GPR143: variants seen among roughly 807,000 people sequenced by gnomAD.
The protein encoded by GPR143 is G-protein coupled receptor 143.
GPR143 carries 8 observed loss-of-function variants against 27.6 expected under a neutral mutation model. That is an observed-to-expected ratio of 0.29 (90% CI 0.17 to 0.52). The LOEUF (loss-of-function observed/expected upper bound fraction) is 0.52. Among genes scored for constraint, GPR143 ranks in the 20% least tolerant of loss-of-function variants. GPR143 has a pLI of 0.96. For missense variants in GPR143, 303 were observed against 343.1 expected (o/e 0.88, Z 0.92); for synonymous variants, 156 against 153.2 (o/e 1.02, Z -0.13).
intron 8 of GPR143, among the ~76,000 whole-genome samples, chrX:9,728,726 T>A (rs1054462368): frequency 1.0e-5 from 1 of 98,571 alleles, no homozygotes; most frequent in Non-Finnish European, 2.0e-5. Flanking sequence ...GGTGGAAGGA[T>A]CTCTTAAGCC....
intron 1 of GPR143, among the ~76,000 whole-genome samples, chrX:9,776,202 G>A (rs929370528): frequency 1.5e-4 from 17 of 112,044 alleles, no homozygotes; most frequent in African/African-American, 5.2e-4. Context: ...TAGAACGCAC[G>A]TCAGGATCAG....
chrX:9,743,599 G>T lies in GPR143; in HGVS notation c.733C>A (p.Arg245=). The change falls in exon 6 of 9, where the codon CGA becomes AGA. Residue 245 remains arginine, a synonymous_variant. Coordinates refer to ENST00000467482, the MANE Select transcript of GPR143 (RefSeq NM_000273.3). ...AAAACCAGCATGATTTTGAAAAATCGGATCTTGATCACGGCTCCCATCCTC... is the reference window on the plus strand; with the variant it reads ...AAAACCAGCATGATTTTGAAAAATCTGATCTTGATCACGGCTCCCATCCTC... ...ERRMGAVIKI[R]FFKIMLVLII... is the part of the protein sequence containing the mutation. The T allele has an allele frequency of 8.4e-7, 1 of 1,186,322 alleles. No individual in the cohort carries two copies. Among genetic ancestry groups the T allele is most frequent in the African/African-American group, 1.7e-5 (1 of 57,327 alleles).
chrX:9,753,361 A>AAAAT (rs201414372), intron 3 of GPR143, among the ~76,000 whole-genome samples: 1 of 109,000 alleles, frequency 9.2e-6, no homozygotes, highest in Non-Finnish European at 1.9e-5. Context: ...CCGTCTCAAA[A>AAAAT]AAATAAATAA....
rs138170290 is a variant in GPR143, at chrX:9,731,638, T to C, written c.1121-5798A>G. Among the ~76,000 whole-genome samples the C allele has an allele frequency of 5.7e-3, 633 of 110,865 alleles. 6 individuals are homozygous for C. The highest frequency in any genetic ancestry group is 0.02 in the African/African-American group (615 of 30,582). On this transcript the variant is annotated intron_variant, in intron 8 of 8. Transcript: ENST00000467482. ...GAATTTTAGTGAGAATGAGGCACTATGGGACAGAAAGGGAATTTGGGGAGA... is the reference window on the plus strand; with the variant it reads ...GAATTTTAGTGAGAATGAGGCACTACGGGACAGAAAGGGAATTTGGGGAGA...
intron 5 of GPR143, among the ~76,000 whole-genome samples, chrX:9,744,099 G>A (rs953236044): frequency 9.8e-5 from 11 of 111,716 alleles, no homozygotes; most frequent in African/African-American, 3.6e-4. Flanking sequence ...GCACTTGGGA[G>A]GCCAAGGTGG....
intron 1 of GPR143, among the ~76,000 whole-genome samples, chrX:9,761,826 C>T (rs2732873): frequency 0.17 from 19,439 of 112,235 alleles, 1,192 homozygotes; most frequent in Middle Eastern, 0.23. Context: ...GGTCTGAGCG[C>T]GGTGCTCACG....
chrX:9,767,900 C>G (rs1249202437), upstream of GPR143, among the ~76,000 whole-genome samples: 1 of 112,087 alleles, frequency 8.9e-6, no homozygotes, highest in Non-Finnish European at 1.9e-5. Context: ...TGAAGAGTGT[C>G]TGTACATTTG....
upstream of GPR143, among the ~76,000 whole-genome samples, chrX:9,769,587 TTA>T (rs900265671): frequency 3.6e-5 from 4 of 111,365 alleles, no homozygotes; most frequent in African/African-American, 9.9e-5. Context: ...TAAGATTTGT[TTA>T]TTTATTTATT....
upstream of GPR143, among the ~76,000 whole-genome samples, chrX:9,766,490 C>A (rs1049383132): frequency 8.9e-5 from 10 of 112,040 alleles, no homozygotes; most frequent in Non-Finnish European, 1.5e-4. Flanking sequence ...CCTTGGGAGG[C>A]CGAGGCAGGC....
At chrX:9,727,268 T>G (rs930179650) in intron 8 of GPR143, among the ~76,000 whole-genome samples, 9 of 113,440 alleles carry the variant, frequency 7.9e-5, no homozygotes, top group African/African-American at 2.9e-4. Context: ...AGCCCCAGAC[T>G]CAGCCATATT....
intron 8 of GPR143, among the ~76,000 whole-genome samples, chrX:9,736,107 G>A (rs1316738532): frequency 9.0e-6 from 1 of 110,595 alleles, no homozygotes; most frequent in African/African-American, 3.3e-5. Context: ...CGTTTCCCCC[G>A]CCACTGACAG....
chrX:9,751,329 AT>A (rs1052779510), intron 3 of GPR143, among the ~76,000 whole-genome samples: 3 of 112,161 alleles, frequency 2.7e-5, no homozygotes, highest in African/African-American at 9.7e-5. Context: ...GGCCCCAGCA[AT>A]GGGATTTACC....
In GPR143 at chrX:9,765,721, A is replaced by T; in HGVS notation, c.97T>A (p.Cys33Ser). Reference sequence around the variant, plus strand: ...AAGCGGAGCCCGCCGCTGCCCAGGCAGAGCGCGTGGAAGGCCCGCGGCTGG... The same window carrying T: ...AAGCGGAGCCCGCCGCTGCCCAGGCTGAGCGCGTGGAAGGCCCGCGGCTGG... ...SFQPRAFHALCLGSGGLRLAL... is the reference protein window; with the variant it reads ...SFQPRAFHALSLGSGGLRLAL... The change falls in exon 1 of 9, where the codon TGC (cysteine) becomes AGC (serine). Residue 33 changes from cysteine to serine, a missense_variant. Physicochemically the swap from Cys to Ser is moderately radical, Grantham distance 112. Transcript: ENST00000467482. 8.9e-7 allele frequency: 1 copy of T among 1,121,399 alleles called. No individual in the cohort carries two copies. The highest frequency in any genetic ancestry group is 1.2e-6 in the Non-Finnish European group (1 of 856,296). 92.4% of individuals were successfully genotyped at this position (1,121,399 alleles called of 1,213,427 possible). A position where few individuals can be genotyped will look rare whatever the true frequency, so the allele number is the denominator to read the frequency against.
At chrX:9,778,449 T>C (rs1336794008) in intron 1 of GPR143, among the ~76,000 whole-genome samples, 4 of 110,830 alleles carry the variant, frequency 3.6e-5, no homozygotes, top group Non-Finnish European at 7.6e-5. Flanking sequence ...GTTGGGGTCC[T>C]CCTAACTGCA....
Position 9,761,156 on chromosome X carries a change from A to G in GPR143, c.251-330T>C, listed in dbSNP as rs189406413. ...TCACCCAGGCTGCAGTACAGTGGTAAAAACCCTGCTCACTGCAAATTCCGC... is the reference window on the plus strand; with the variant it reads ...TCACCCAGGCTGCAGTACAGTGGTAGAAACCCTGCTCACTGCAAATTCCGC... On this transcript the variant is annotated intron_variant, in intron 1 of 8. Coordinates refer to ENST00000467482, the MANE Select transcript of GPR143 (RefSeq NM_000273.3). Among the ~76,000 whole-genome samples, 619 of 111,140 alleles carry G rather than the reference A, an allele frequency of 5.6e-3. 3 individuals are homozygous for G. The highest frequency in any genetic ancestry group is 0.019 in the African/African-American group (588 of 30,572).
intron 8 of GPR143, among the ~76,000 whole-genome samples, chrX:9,729,589 A>G (rs757236783): frequency 1.8e-5 from 2 of 112,382 alleles, no homozygotes; most frequent in Non-Finnish European, 3.8e-5. Context: ...TGAATTTCCA[A>G]GGGTTTCTCT....
chrX:9,774,873 G>T (rs5934682), intron 1 of GPR143, among the ~76,000 whole-genome samples: 20,785 of 109,783 alleles, frequency 0.19, 1,697 homozygotes, highest in African/African-American at 0.29. Context: ...TGTTTGTTTG[G>T]TTTTTTTTGA....
intron 1 of GPR143, among the ~76,000 whole-genome samples, chrX:9,772,363 ACCT>A (rs1327578606): frequency 1.8e-5 from 2 of 111,472 alleles, no homozygotes; most frequent in Admixed American, 1.9e-4. Context: ...TCCATGGCTA[ACCT>A]CCTAACTCAT....
At chrX:9,760,608 G>A (rs764983131) in intron 2 of GPR143, 109 bp downstream of exon 2, 4 of 510,234 alleles carry the variant, frequency 7.8e-6, no homozygotes, top group Non-Finnish European at 1.4e-5. Flanking sequence ...CAGCAGGATG[G>A]GGCAGGACGT....
Sources: gnomAD v4.1 joint callset for allele counts (sites outside exome capture counted in the v4.1 genomes callset) on GRCh38, gnomAD v4.1.1 for gene constraint, MANE v1.5 for transcripts, NCBI Gene and HGNC (gene_info 2026-07-23, HGNC 2026-07-21) for gene names.